The following FHL1 variants were observed in gnomAD, a reference collection of about 807,000 sequenced individuals.
FHL1 encodes four and a half LIM domains 1.
A neutral mutation model predicts 20.3 loss-of-function variants in FHL1; 1 was observed. The ratio of observed to expected loss-of-function variants is 0.05; its 90% CI spans 0.02 to 0.23. The LOEUF (loss-of-function observed/expected upper bound fraction) is 0.23. Ranked by LOEUF, FHL1 falls within the 10% of genes least tolerant of loss-of-function variation. The probability of loss-of-function intolerance (pLI) is 1.00; values close to 1 mark genes in which losing one functional copy is unlikely to be tolerated. For missense variants in FHL1, 177 were observed against 234.0 expected, an observed-to-expected ratio of 0.76 and a Z score of 1.59; for synonymous variants, 82 against 88.9, an observed-to-expected ratio of 0.92 and a Z score of 0.44.
At chrX:136,178,148 A>G (rs1043866121) in intron 2 of FHL1, among the ~76,000 whole-genome samples, 13 of 111,688 alleles carry the variant, frequency 1.2e-4, no homozygotes, top group African/African-American at 1.6e-4. Context: ...TATCATCATC[A>G]TTATCATTGT....
chrX:136,209,287 A>G, intron 5 of FHL1: 1 of 1,211,008 alleles, frequency 8.3e-7, no homozygotes, highest in Non-Finnish European at 1.1e-6. Context: ...CTCTAAAGCT[A>G]GGAAGCCCCC....
upstream of FHL1, chrX:136,147,386 C>G (rs1417359691): frequency 8.8e-5 from 9 of 102,072 alleles, no homozygotes; most frequent in Non-Finnish European, 1.2e-4. Flanking sequence ...AGCCCGGCCC[C>G]GCGCGCGCCC....
rs1411715017 is a variant in FHL1 at position 136,210,283 on chromosome X, C to G, written c.*258C>G. The G allele has an allele frequency of 6.4e-6, 3 of 470,125 alleles. No individual in the cohort carries two copies. The African/African-American group carries it at 7.0e-5, about 11-fold the overall frequency. 38.7% of individuals were successfully genotyped at this position (470,125 alleles called of 1,213,427 possible). A position where few individuals can be genotyped will look rare whatever the true frequency, so the allele number is the denominator to read the frequency against. On this transcript the variant is annotated 3_prime_UTR_variant, in exon 6 of 6. Transcript: ENST00000370683. ...AAAAATGAAAACTTAGGTAGATTGA[C>G]TCTTCTGCATGTTTCTCATAGAGCA...
At position 136,160,493 on chromosome X, in the gene FHL1, C is replaced by T. The variant is rs575194447; in HGVS notation, c.-100-9414C>T. Among the ~76,000 whole-genome samples, 49 of 111,475 alleles carry T rather than the reference C, an allele frequency of 4.4e-4. No individual in the cohort carries two copies. The South Asian group carries it at 0.015, about 35-fold the overall frequency. On this transcript the variant is annotated intron_variant, in intron 1 of 7. Transcript: ENST00000394155. ...ACACAGGCTGGAAAACAGTGACGAT[C>T]GTGGCTCACTGCAGTCTTGACCTCC...
At chrX:136,186,868 ATAT>A (rs1569529361) in intron 2 of FHL1, among the ~76,000 whole-genome samples, 1,368 of 8,131 alleles carry the variant, frequency 0.17, 34 homozygotes, top group African/African-American at 0.2. Flanking sequence ...AAAAAAAAAT[ATAT>A]ATATATATAT....
At chrX:136,152,668 C>T (rs112933875) in intron 1 of FHL1, among the ~76,000 whole-genome samples, 3,458 of 95,625 alleles carry the variant, frequency 0.036, 168 homozygotes, top group African/African-American at 0.13. Context: ...TGCAGTGAGC[C>T]GAGATAGCGC....
chrX:136,148,618 C>G (rs1225090971), intron 1 of FHL1: 1 of 111,696 alleles, frequency 9.0e-6, no homozygotes, highest in African/African-American at 3.3e-5. Context: ...CCTTTCCTCT[C>G]TGCTCTTAGC....
intron 2 of FHL1, among the ~76,000 whole-genome samples, chrX:136,178,037 TATG>T (rs2073051104): frequency 8.9e-6 from 1 of 112,137 alleles, no homozygotes; most frequent in Non-Finnish European, 1.9e-5. Context: ...CAAATTTTAT[TATG>T]ATCAGTACAG....
intron 1 of FHL1, chrX:136,148,813 A>G (rs1288965347): frequency 6.2e-5 from 7 of 112,671 alleles, no homozygotes; most frequent in Non-Finnish European, 1.3e-4. Flanking sequence ...GACAAGGCTT[A>G]TTAATGGGAT....
In FHL1 at chrX:136,210,198, T is replaced by C. The variant is rs956012134; in HGVS notation, c.*173T>C. On this transcript the variant is annotated 3_prime_UTR_variant, in exon 6 of 6. Coordinates refer to ENST00000370683, the MANE Select transcript of FHL1 (RefSeq NM_001159699.2). ...CTCAAATAAGGGCACACAGTGATCATATTAGCATTTAGCAAAAAGCAACCC... is the reference window on the plus strand; with the variant it reads ...CTCAAATAAGGGCACACAGTGATCACATTAGCATTTAGCAAAAAGCAACCC... The C allele has an allele frequency of 5.4e-6, 4 of 738,339 alleles. No individual in the cohort carries two copies. In the African/African-American group the frequency reaches 8.4e-5, roughly 15 times the overall value. The allele number at this position is 738,339 out of a possible 1,213,427, so 60.8% of individuals were successfully genotyped here.
intron 1 of FHL1, among the ~76,000 whole-genome samples, chrX:136,198,617 T>C (rs1460347475): frequency 8.9e-6 from 1 of 112,123 alleles, no homozygotes; most frequent in African/African-American, 3.2e-5. Context: ...AAATCAGTGT[T>C]GCCCTGAAAC....
At chrX:136,196,008 G>T (rs1478444328), upstream of FHL1, among the ~76,000 whole-genome samples, 1 of 111,955 alleles carries the variant, frequency 8.9e-6, no homozygotes, top group Non-Finnish European at 1.9e-5. Context: ...CTGGGAGCTG[G>T]GCAGTGTTCT....
intron 2 of FHL1, among the ~76,000 whole-genome samples, chrX:136,177,536 A>AT (rs2073038836): frequency 8.9e-6 from 1 of 112,261 alleles, no homozygotes; most frequent in Non-Finnish European, 1.9e-5. Flanking sequence ...AGAATTTACT[A>AT]ATTTGTTCAT....
At chrX:136,187,492 C>G (rs2073336808) in intron 2 of FHL1, among the ~76,000 whole-genome samples, 1 of 112,262 alleles carries the variant, frequency 8.9e-6, no homozygotes, top group African/African-American at 3.2e-5. Flanking sequence ...AGTACTGATG[C>G]ATGCTATAGC....
intron 2 of FHL1, among the ~76,000 whole-genome samples, chrX:136,173,504 A>G (rs1463317581): frequency 8.9e-6 from 1 of 111,889 alleles, no homozygotes; most frequent in African/African-American, 3.2e-5. Context: ...TCTCAAACTG[A>G]TGGGCTGGAT....
intron 2 of FHL1, among the ~76,000 whole-genome samples, chrX:136,190,586 T>C (rs922900927): frequency 3.6e-5 from 4 of 112,010 alleles, no homozygotes; most frequent in Non-Finnish European, 5.6e-5. Context: ...CTCTTGCTGC[T>C]GCATGAGAGA....
intron 3 of FHL1, 47 bp from the exon 4 acceptor site, chrX:136,207,745 C>T: frequency 1.7e-6 from 2 of 1,199,534 alleles, no homozygotes; most frequent in Admixed American, 2.2e-5. Context: ...GGATGCAGCC[C>T]CCTGCAGAGC....
At chrX:136,203,052 C>G (rs112978772) in intron 1 of FHL1, among the ~76,000 whole-genome samples, 1 of 112,472 alleles carries the variant, frequency 8.9e-6, no homozygotes, top group African/African-American at 3.2e-5. Flanking sequence ...AAGTACGTGA[C>G]GTAAGCTAAT....
chrX:136,203,794 A>G (rs754153947), intron 1 of FHL1, among the ~76,000 whole-genome samples: 2 of 111,999 alleles, frequency 1.8e-5, no homozygotes, highest in Middle Eastern at 4.6e-3. Flanking sequence ...CAAAACCTCT[A>G]CTTCTAAATG....
Sources: allele counts gnomAD v4.1 joint callset (sites outside exome capture counted in the v4.1 genomes callset), GRCh38; gene constraint gnomAD v4.1.1; transcripts MANE v1.5; gene names NCBI Gene and HGNC (gene_info 2026-07-23, HGNC 2026-07-21).